Variants in ENOX1 observed in about 807,000 individuals in gnomAD.
ENOX1 encodes candidate growth-related and time keeping constitutive hydroquinone (NADH) oxidase.
A neutral mutation model predicts 82.5 loss-of-function variants in ENOX1; 42 were observed. The observed-to-expected ratio is 0.51, with a 90% CI of 0.40 to 0.66. The LOEUF is 0.66. Among genes scored for constraint, ENOX1 ranks in the 30% least tolerant of loss-of-function variants. ENOX1 has a pLI of 0.00. For missense variants in ENOX1, 608 were observed against 811.6 expected, an observed-to-expected ratio of 0.75 and a Z score of 3.05; for synonymous variants, 271 against 282.2, an observed-to-expected ratio of 0.96 and a Z score of 0.40.
chr13:43,476,606 A>G (rs372973124), intron 3 of ENOX1, among the ~76,000 whole-genome samples: 29 of 152,272 alleles, frequency 1.9e-4, no homozygotes, highest in South Asian at 1.0e-3. Flanking sequence ...TACTCTCTCT[A>G]GTTTGTCTTT....
intron 5 of ENOX1, among the ~76,000 whole-genome samples, chr13:43,391,471 A>T (rs1461546181): frequency 6.6e-6 from 1 of 152,078 alleles, no homozygotes; most frequent in Non-Finnish European, 1.5e-5. Context: ...CAATATCACC[A>T]CTTAAGATAT....
chr13:43,525,899 G>A (rs1046422740), intron 2 of ENOX1, among the ~76,000 whole-genome samples: 8 of 151,960 alleles, frequency 5.3e-5, no homozygotes, highest in Non-Finnish European at 1.2e-4. Flanking sequence ...TCAAATATAT[G>A]ATTTGCAAAT....
At chr13:43,655,357 G>GT (rs142565380) in intron 2 of ENOX1, among the ~76,000 whole-genome samples, 5,933 of 151,858 alleles carry the variant, frequency 0.039, 350 homozygotes, top group African/African-American at 0.13. Context: ...TTTGCTTTTT[G>GT]TTTTTTTTGG....
In ENOX1 at chr13:43,416,695, C is replaced by T. The variant is rs544529394; in HGVS notation, c.-74-3707G>A. ...ACTCCTCACTTCCCAGATGGGGTGGCGGCCAGGCAGAGGCGCTCCTCACTT... is the reference window on the plus strand; with the variant it reads ...ACTCCTCACTTCCCAGATGGGGTGGTGGCCAGGCAGAGGCGCTCCTCACTT... On this transcript the variant is annotated intron_variant, in intron 3 of 16. Transcript: ENST00000690772. Among the ~76,000 whole-genome samples the T allele has an allele frequency of 1.0e-3, 144 of 143,916 alleles. 5 individuals are homozygous for T. In the South Asian group the frequency reaches 0.031, roughly 31 times the overall value. The allele number at this position is 143,916 out of a possible 152,430, so 94.4% of individuals were successfully genotyped here.
chr13:43,459,958 C>T (rs1364880483), intron 3 of ENOX1, among the ~76,000 whole-genome samples: 1 of 152,142 alleles, frequency 6.6e-6, no homozygotes, highest in African/African-American at 2.4e-5. Flanking sequence ...TGCACCATCG[C>T]ACTCCAGCCT....
At chr13:43,723,497 A>T (rs1375127163) in intron 1 of ENOX1, among the ~76,000 whole-genome samples, 4 of 152,222 alleles carry the variant, frequency 2.6e-5, no homozygotes, top group Non-Finnish European at 4.4e-5. Flanking sequence ...AAGAATTGGA[A>T]GACAGCCGAC....
At chr13:43,394,158 C>T (rs1433687087) in intron 5 of ENOX1, among the ~76,000 whole-genome samples, 1 of 152,184 alleles carries the variant, frequency 6.6e-6, no homozygotes, top group Non-Finnish European at 1.5e-5. Context: ...GATTCTTTTA[C>T]AGCAATACAT....
chr13:43,437,604 T>C (rs1402066847), intron 3 of ENOX1, among the ~76,000 whole-genome samples: 1 of 152,198 alleles, frequency 6.6e-6, no homozygotes, highest in East Asian at 1.9e-4. Context: ...GATTTTCACA[T>C]ATTAGAAGTA....
chr13:43,748,894 A>T (rs1950165166), intron 1 of ENOX1, among the ~76,000 whole-genome samples: 1 of 152,216 alleles, frequency 6.6e-6, no homozygotes, highest in African/African-American at 2.4e-5. Context: ...ACAGACTCTA[A>T]TGACAGACTG....
At chr13:43,328,877 T>C (rs1353788222) in intron 9 of ENOX1, among the ~76,000 whole-genome samples, 1 of 152,218 alleles carries the variant, frequency 6.6e-6, no homozygotes, top group Non-Finnish European at 1.5e-5. Flanking sequence ...AGGAACTTGA[T>C]TAATTGCTAG....
intron 2 of ENOX1, chr13:43,546,558 C>CA (rs2078982369): frequency 2.0e-5 from 3 of 152,166 alleles, no homozygotes; most frequent in African/African-American, 4.8e-5. Context: ...ATCTCCTTTG[C>CA]CGCCTCACTG....
intron 7 of ENOX1, among the ~76,000 whole-genome samples, chr13:43,358,425 G>C (rs1042544327): frequency 4.8e-5 from 7 of 144,666 alleles, no homozygotes; most frequent in African/African-American, 1.8e-4. Context: ...TATACATGAG[G>C]GTTCTGCAGG....
chr13:43,273,024 C>A (rs1458510006), intron 12 of ENOX1, among the ~76,000 whole-genome samples: 2 of 152,192 alleles, frequency 1.3e-5, no homozygotes, highest in Non-Finnish European at 1.5e-5. Flanking sequence ...ATGGCTTTAA[C>A]TACACATCAC....
intron 2 of ENOX1, among the ~76,000 whole-genome samples, chr13:43,666,652 C>A (rs902908926): frequency 6.6e-6 from 1 of 152,126 alleles, no homozygotes; most frequent in Admixed American, 6.6e-5. Flanking sequence ...AACTGTGAAA[C>A]AATAAATTTC....
At chr13:43,391,015 C>T (rs966688948) in intron 5 of ENOX1, among the ~76,000 whole-genome samples, 1 of 152,128 alleles carries the variant, frequency 6.6e-6, no homozygotes, top group South Asian at 2.1e-4. Context: ...TACCATCTCA[C>T]CCGTTTCTTA....
chr13:43,396,329 T>C (rs2053147934), intron 5 of ENOX1, among the ~76,000 whole-genome samples: 1 of 152,182 alleles, frequency 6.6e-6, no homozygotes, highest in Admixed American at 6.5e-5. Flanking sequence ...TCTGCATCCA[T>C]TAAAGACCAG....
intron 11 of ENOX1, among the ~76,000 whole-genome samples, chr13:43,299,070 C>A (rs1267396033): frequency 1.3e-5 from 2 of 152,154 alleles, no homozygotes; most frequent in Non-Finnish European, 2.9e-5. Flanking sequence ...TTGTTTTCCT[C>A]CAACTCCTAT....
chr13:43,691,873 TG>T (rs1324353736), intron 1 of ENOX1, among the ~76,000 whole-genome samples: 2 of 152,018 alleles, frequency 1.3e-5, no homozygotes, highest in Non-Finnish European at 2.9e-5. Flanking sequence ...GCTAATTTTT[TG>T]TATTTTTAGT....
Position 43,621,964 on chromosome 13 carries a change from C to G in ENOX1, c.-219+45515G>C, listed in dbSNP as rs182457091. 9.2e-5 allele frequency among the ~76,000 whole-genome samples: 14 copies of G among 152,092 alleles called. No homozygotes were observed. In the East Asian group the frequency reaches 2.3e-3, roughly 25 times the overall value. ...TGTTCCTATTTTCTTATTCTTTTTTCTTTGTCTTTGTTGGATTGGGTTAAT... is the reference window on the plus strand; with the variant it reads ...TGTTCCTATTTTCTTATTCTTTTTTGTTTGTCTTTGTTGGATTGGGTTAAT... On this transcript the variant is annotated intron_variant, in intron 2 of 16. Coordinates refer to ENST00000690772, the MANE Select transcript of ENOX1 (RefSeq NM_001347969.2).
Sources: allele counts gnomAD v4.1 joint callset (sites outside exome capture counted in the v4.1 genomes callset), GRCh38; gene constraint gnomAD v4.1.1; transcripts MANE v1.5; gene names NCBI Gene and HGNC (gene_info 2026-07-23, HGNC 2026-07-21).